The following AFG1L variants were observed in gnomAD, a reference collection of about 807,000 sequenced individuals.
AFG1L encodes AFG1 like ATPase.
A neutral mutation model predicts 62.2 loss-of-function variants in AFG1L; 53 were observed. The ratio of observed to expected loss-of-function variants is 0.85; its 90% confidence interval spans 0.68 to 1.07. The LOEUF (loss-of-function observed/expected upper bound fraction) is 1.07, where lower values mean the gene tolerates loss of function less well. AFG1L is among the 50% of genes least tolerant of loss of function. The pLI is 0.00. For missense variants in AFG1L, 555 were observed against 590.5 expected (o/e 0.94, Z 0.62); for synonymous variants, 228 against 210.3 (o/e 1.08, Z -0.73).
At chr6:108,393,239 T>C (rs1333915676) in intron 6 of AFG1L, among the ~76,000 whole-genome samples, 1 of 152,106 alleles carries the variant, frequency 6.6e-6, no homozygotes, top group Non-Finnish European at 1.5e-5. Flanking sequence ...AAAATAATAT[T>C]AAACAGCTAA....
At chr6:108,489,887 A>G (rs1195574471) in intron 10 of AFG1L, among the ~76,000 whole-genome samples, 1 of 152,228 alleles carries the variant, frequency 6.6e-6, no homozygotes, top group Non-Finnish European at 1.5e-5. Context: ...GGAGTCAATG[A>G]CATCATCTGA....
At chr6:108,328,873 T>C (rs1343993699) in intron 2 of AFG1L, among the ~76,000 whole-genome samples, 2 of 152,182 alleles carry the variant, frequency 1.3e-5, no homozygotes, top group East Asian at 1.9e-4. Flanking sequence ...GAGTTGGCTA[T>C]GATGGGCCAG....
intron 6 of AFG1L, among the ~76,000 whole-genome samples, chr6:108,396,040 GTTTTTTT>G (rs1781289601): frequency 6.7e-6 from 1 of 150,306 alleles, no homozygotes; most frequent in South Asian, 2.1e-4. Flanking sequence ...TTTGTTTTTT[GTTTTTTT>G]GTTTTTTTTT....
chr6:108,355,824 A>G, intron 4 of AFG1L, 69 bp downstream of exon 4: 1 of 1,007,506 alleles, frequency 9.9e-7, no homozygotes, highest in Non-Finnish European at 1.5e-6. Flanking sequence ...TCTTCATTGA[A>G]TGAACATATA....
At chr6:108,360,019 C>T (rs932839136) in intron 5 of AFG1L, among the ~76,000 whole-genome samples, 2 of 152,140 alleles carry the variant, frequency 1.3e-5, no homozygotes, top group African/African-American at 2.4e-5. Context: ...ATGTCACTTT[C>T]CTTAATATGA....
chr6:108,403,181 T>A (rs1781705210), intron 7 of AFG1L, among the ~76,000 whole-genome samples: 1 of 152,102 alleles, frequency 6.6e-6, no homozygotes, highest in African/African-American at 2.4e-5. Context: ...AAAATCCCTA[T>A]AAGAGAAAGC....
intron 2 of AFG1L, among the ~76,000 whole-genome samples, chr6:108,333,043 A>C (rs1018787181): frequency 6.6e-6 from 1 of 152,270 alleles, no homozygotes; most frequent in Non-Finnish European, 1.5e-5. Flanking sequence ...TAAAACTTCT[A>C]GTTAACAAAA....
chr6:108,366,105 T>C (rs2114497572), intron 5 of AFG1L, 128 bp from the exon 6 acceptor site: 1 of 576,490 alleles, frequency 1.7e-6, no homozygotes, highest in South Asian at 2.3e-5. Flanking sequence ...TCTACTCTTT[T>C]CTTCATGATG....
intron 3 of AFG1L, among the ~76,000 whole-genome samples, chr6:108,348,064 T>G (rs1177371996): frequency 1.3e-5 from 2 of 151,590 alleles, no homozygotes; most frequent in Non-Finnish European, 2.9e-5. Flanking sequence ...AAGTAGGTTT[T>G]GTTTTGTTTT....
intron 6 of AFG1L, among the ~76,000 whole-genome samples, chr6:108,370,084 C>T (rs1779936967): frequency 6.6e-6 from 1 of 151,826 alleles, no homozygotes; most frequent in Non-Finnish European, 1.5e-5. Context: ...TTGAGGTAGC[C>T]AGTGGGGCTA....
intron 3 of AFG1L, among the ~76,000 whole-genome samples, chr6:108,348,647 ATACT>A (rs138106413): frequency 1.4e-3 from 207 of 152,342 alleles, no homozygotes; most frequent in African/African-American, 4.7e-3. Flanking sequence ...AGACCAATGT[ATACT>A]TACTTCTTAT....
chr6:108,480,459 G>T (rs932965134), intron 10 of AFG1L, among the ~76,000 whole-genome samples: 3 of 152,172 alleles, frequency 2.0e-5, no homozygotes, highest in Admixed American at 2.0e-4. Context: ...GTCAGATTCT[G>T]TGCTTTTAAT....
intron 10 of AFG1L, among the ~76,000 whole-genome samples, chr6:108,501,777 AG>A: frequency 6.6e-6 from 1 of 152,296 alleles, no homozygotes; most frequent in African/African-American, 2.4e-5. Flanking sequence ...GCAATAATAC[AG>A]GCATACCTTG....
At chr6:108,382,148 G>A (rs986030404) in intron 6 of AFG1L, among the ~76,000 whole-genome samples, 4 of 151,864 alleles carry the variant, frequency 2.6e-5, no homozygotes, top group Non-Finnish European at 4.4e-5. Flanking sequence ...TTACAGGCAC[G>A]CGCCACCACA....
chr6:108,421,379 G>A (rs1489464498), intron 7 of AFG1L, among the ~76,000 whole-genome samples: 1 of 152,128 alleles, frequency 6.6e-6, no homozygotes, highest in Non-Finnish European at 1.5e-5. Flanking sequence ...GCAAAGGGAG[G>A]TTGTGAGAAA....
At chr6:108,505,686 A>G (rs1004768877) in intron 10 of AFG1L, among the ~76,000 whole-genome samples, 1 of 152,252 alleles carries the variant, frequency 6.6e-6, no homozygotes, top group African/African-American at 2.4e-5. Flanking sequence ...TTCTAGAGCT[A>G]CAAAGTGCAG....
chr6:108,323,952 G>A lies in AFG1L; in HGVS notation c.267G>A (p.Lys89=). The A allele has an allele frequency of 6.2e-7, 1 of 1,614,084 alleles. No individual in the cohort carries two copies. Among genetic ancestry groups the A allele is most frequent in the Non-Finnish European group, 8.5e-7 (1 of 1,179,966 alleles). The change falls in exon 2 of 13, where the codon AAG becomes AAA. Residue 89 remains lysine (K), a synonymous_variant. Transcript: ENST00000368977. ...YDFLIKAHEL[K]DDEHQRRVIQ... ...TTCTGATCAAAGCTCATGAGCTAAA[G>A]GATGATGAACATCAAAGAAGAGTCA...
At chr6:108,464,313 G>A (rs1772583544) in intron 8 of AFG1L, among the ~76,000 whole-genome samples, 1 of 152,076 alleles carries the variant, frequency 6.6e-6, no homozygotes, top group Non-Finnish European at 1.5e-5. Flanking sequence ...CAATAATAAG[G>A]TCTTTTTTGA....
chr6:108,304,714 A>G (rs763824283), intron 1 of AFG1L, among the ~76,000 whole-genome samples: 3 of 152,238 alleles, frequency 2.0e-5, no homozygotes, highest in Non-Finnish European at 4.4e-5. Context: ...AATTCCTTAT[A>G]TAGTTTTGAT....
Sources: gnomAD v4.1 joint callset for allele counts (sites outside exome capture counted in the v4.1 genomes callset) on GRCh38, gnomAD v4.1.1 for gene constraint, MANE v1.5 for transcripts, NCBI Gene and HGNC (gene_info 2026-07-23, HGNC 2026-07-21) for gene names.